Variants in PCDH9 observed in about 807,000 individuals in gnomAD.
The protein encoded by PCDH9 is protocadherin 9, also known as protocadherin-9.
A neutral mutation model predicts 70.6 loss-of-function variants in PCDH9; 24 were observed. The observed-to-expected ratio is 0.34, with a 90% confidence interval of 0.25 to 0.48. The LOEUF (loss-of-function observed/expected upper bound fraction) is 0.48. Among genes scored for constraint, PCDH9 ranks in the 20% least tolerant of loss-of-function variants. The pLI, the probability that PCDH9 is intolerant of heterozygous loss-of-function variation, is 0.99. For missense variants in PCDH9, 1,281 were observed against 1,503.6 expected, an observed-to-expected ratio of 0.85 and a Z score of 2.45; for synonymous variants, 562 against 558.5, an observed-to-expected ratio of 1.01 and a Z score of -0.09.
intron 4 of PCDH9, among the ~76,000 whole-genome samples, chr13:66,369,290 A>C (rs967457032): frequency 4.6e-5 from 7 of 152,162 alleles, no homozygotes; most frequent in African/African-American, 1.7e-4. Flanking sequence ...TATTTAGCAT[A>C]AATCAGGAAT....
At chr13:66,793,637 C>T (rs368897444) in intron 3 of PCDH9, among the ~76,000 whole-genome samples, 21 of 152,090 alleles carry the variant, frequency 1.4e-4, no homozygotes, top group East Asian at 7.8e-4. Flanking sequence ...ACCTTTTTCT[C>T]TCTTTCTAGA....
chr13:66,670,759 T>A (rs1032815095), intron 3 of PCDH9, among the ~76,000 whole-genome samples: 3 of 152,004 alleles, frequency 2.0e-5, no homozygotes, highest in Non-Finnish European at 4.4e-5. Context: ...TTTAATGATG[T>A]CCATATGTTA....
At chr13:66,670,912 TAAAAAAAAAAA>T (rs35287889) in intron 3 of PCDH9, among the ~76,000 whole-genome samples, 4 of 120,232 alleles carry the variant, frequency 3.3e-5, no homozygotes, top group Non-Finnish European at 6.8e-5. Flanking sequence ...TGTTCTTATT[TAAAAAAAAAAA>T]AAAAAAAAAA....
In PCDH9 at chr13:66,562,103, A is replaced by G. The variant is rs576852908; in HGVS notation, c.3340+69107T>C. ...CGCCACCTTAAGAGCTGTAACACTC[A>G]CCGCAAGGGTCCACGGCTTCATTCT... On this transcript the variant is annotated intron_variant, in intron 4 of 4. Transcript: ENST00000377865. Among the ~76,000 whole-genome samples, 6 of 152,222 alleles carry G rather than the reference A, an allele frequency of 3.9e-5. No homozygotes were observed. The East Asian group carries it at 1.2e-3, about 29-fold the overall frequency.
intron 4 of PCDH9, among the ~76,000 whole-genome samples, chr13:66,428,434 A>AT (rs1957711895): frequency 6.6e-6 from 1 of 151,706 alleles, no homozygotes; most frequent in African/African-American, 2.4e-5. Context: ...TTAGCAAGGG[A>AT]TTTTATAGAA....
rs745431782 is a variant in PCDH9 at position 67,225,944 on chromosome 13, T to C, written c.2497A>G (p.Thr833Ala). The change falls in exon 2 of 5, where the codon ACC (threonine) becomes GCC (alanine). Residue 833 changes from threonine (T) to alanine (A), a missense_variant. By Grantham distance (58) the Thr-to-Ala change is moderately conservative. This residue lies in a region of PCDH9 where 207 missense variants were observed against 191.8 expected (regional missense o/e 1.08). Transcript: ENST00000377865. ...GCATGGCGACAGCGCACCAGAACGGTGACGAAGATCACAACAATGACCACC... is the reference window on the plus strand; with the variant it reads ...GCATGGCGACAGCGCACCAGAACGGCGACGAAGATCACAACAATGACCACC... Reference protein sequence around the residue: ...AMVVIVVIFVTVLVRCRHASR... With the variant: ...AMVVIVVIFVAVLVRCRHASR... 6.2e-7 allele frequency: 1 copy of C among 1,614,094 alleles called. No individual in the cohort carries two copies. The highest frequency in any genetic ancestry group is 8.5e-7 in the Non-Finnish European group (1 of 1,180,014).
chr13:66,930,565 T>A (rs531188484), intron 2 of PCDH9, among the ~76,000 whole-genome samples: 19 of 152,272 alleles, frequency 1.2e-4, no homozygotes, highest in African/African-American at 4.3e-4. Context: ...GATTACTTCA[T>A]CTGACTACAC....
chr13:67,034,326 C>A (rs1294802332), intron 2 of PCDH9, among the ~76,000 whole-genome samples: 2 of 152,120 alleles, frequency 1.3e-5, no homozygotes, highest in African/African-American at 4.8e-5. Flanking sequence ...ACAGTGATAT[C>A]ATCTTAAGTA....
At chr13:67,106,951 A>G (rs1419227776) in intron 2 of PCDH9, among the ~76,000 whole-genome samples, 1 of 152,184 alleles carries the variant, frequency 6.6e-6, no homozygotes, top group East Asian at 1.9e-4. Flanking sequence ...GGTGCCGAGG[A>G]GCAAGGCCAA....
intron 4 of PCDH9, among the ~76,000 whole-genome samples, chr13:66,414,289 CTT>C (rs1452671783): frequency 1.3e-5 from 2 of 152,126 alleles, no homozygotes; most frequent in Non-Finnish European, 2.9e-5. Flanking sequence ...GAGATGCTGA[CTT>C]AACTACAAAA....
chr13:66,901,033 T>G (rs2082268416), intron 3 of PCDH9, among the ~76,000 whole-genome samples: 1 of 151,692 alleles, frequency 6.6e-6, no homozygotes, highest in South Asian at 2.1e-4. Flanking sequence ...CTTAAAAAAG[T>G]GGTTACTAAA....
intron 2 of PCDH9, among the ~76,000 whole-genome samples, chr13:67,091,643 C>T (rs2086221061): frequency 6.6e-6 from 1 of 152,110 alleles, no homozygotes; most frequent in East Asian, 1.9e-4. Flanking sequence ...TCCTGCTTTA[C>T]CCCTTATTAG....
At chr13:66,776,185 A>G (rs2079889922) in intron 3 of PCDH9, among the ~76,000 whole-genome samples, 1 of 151,698 alleles carries the variant, frequency 6.6e-6, no homozygotes, top group Non-Finnish European at 1.5e-5. Context: ...CTGAATGGTC[A>G]AAAACTGGAA....
intron 4 of PCDH9, among the ~76,000 whole-genome samples, chr13:66,536,668 A>G (rs1259076664): frequency 6.6e-6 from 1 of 152,132 alleles, no homozygotes; most frequent in African/African-American, 2.4e-5. Flanking sequence ...TTTCAAATGA[A>G]TAGATATAGC....
At chr13:66,590,761 A>C (rs2077028698) in intron 4 of PCDH9, among the ~76,000 whole-genome samples, 1 of 151,906 alleles carries the variant, frequency 6.6e-6, no homozygotes, top group Non-Finnish European at 1.5e-5. Context: ...CTAAGTACAA[A>C]AGAGTAAGTG....
At chr13:66,400,574 T>C (rs4883777) in intron 4 of PCDH9, among the ~76,000 whole-genome samples, 67,907 of 151,944 alleles carry the variant, frequency 0.45, 16,277 homozygotes, top group African/African-American at 0.63. Context: ...GTGACAGATG[T>C]TTTCCAGTCA....
At chr13:66,308,868 G>T (rs1955515568) in intron 4 of PCDH9, among the ~76,000 whole-genome samples, 1 of 151,624 alleles carries the variant, frequency 6.6e-6, no homozygotes, top group Non-Finnish European at 1.5e-5. Context: ...CTAGACCGGG[G>T]CTCAAAACTG....
intron 2 of PCDH9, chr13:67,214,834 CTAAA>C (rs1036194600): frequency 4.0e-5 from 6 of 150,320 alleles, no homozygotes; most frequent in African/African-American, 1.5e-4. Context: ...AAAGCATTCA[CTAAA>C]TGAATGTGCA....
At chr13:66,462,590 G>A (rs1236756100) in intron 4 of PCDH9, among the ~76,000 whole-genome samples, 1 of 151,796 alleles carries the variant, frequency 6.6e-6, no homozygotes, top group Non-Finnish European at 1.5e-5. Flanking sequence ...TAGCCCTGGA[G>A]ATTGTGACTT....
Sources: gnomAD v4.1 joint callset for allele counts (sites outside exome capture counted in the v4.1 genomes callset) on GRCh38, gnomAD v4.1.1 for gene constraint, gnomAD v4.1.1 regional missense constraint, MANE v1.5 for transcripts, NCBI Gene and HGNC (gene_info 2026-07-23, HGNC 2026-07-21) for gene names.